Variants in AOAH observed in about 807,000 individuals in gnomAD.
The protein encoded by AOAH is acyloxyacyl hydrolase (neutrophil).
AOAH carries 64 observed loss-of-function variants against 92.2 expected under a neutral mutation model. That is an observed-to-expected ratio of 0.69 (90% confidence interval 0.57 to 0.86). The LOEUF (loss-of-function observed/expected upper bound fraction) is 0.86. AOAH is among the 40% of genes least tolerant of loss of function. The pLI is 0.00. For synonymous variants in AOAH, 263 were observed against 254.5 expected, an observed-to-expected ratio of 1.03 and a Z score of -0.32; for missense variants, 656 against 694.6, an observed-to-expected ratio of 0.94 and a Z score of 0.62.
chr7:36,673,122 C>T (rs1796026104), intron 3 of AOAH, among the ~76,000 whole-genome samples: 3 of 151,984 alleles, frequency 2.0e-5, no homozygotes, highest in Admixed American at 2.0e-4. Context: ...GAGCTTATTT[C>T]AGTATTCAAA....
intron 15 of AOAH, among the ~76,000 whole-genome samples, chr7:36,541,240 G>A (rs116029038): frequency 2.1e-4 from 32 of 152,210 alleles, no homozygotes; most frequent in South Asian, 1.4e-3. Context: ...ATTCCAGCCC[G>A]CATTATTGTC....
intron 5 of AOAH, among the ~76,000 whole-genome samples, chr7:36,633,111 G>A (rs1480651104): frequency 1.3e-5 from 2 of 152,238 alleles, no homozygotes; most frequent in Non-Finnish European, 2.9e-5. Context: ...GGAGAATGCA[G>A]ATGACCCTGC....
intron 10 of AOAH, among the ~76,000 whole-genome samples, chr7:36,616,749 T>A (rs1411601737): frequency 6.6e-6 from 1 of 152,206 alleles, no homozygotes; most frequent in Non-Finnish European, 1.5e-5. Flanking sequence ...GATGGATGAA[T>A]AAGTGAATCA....
At chr7:36,668,345 T>C (rs1438807895) in intron 3 of AOAH, among the ~76,000 whole-genome samples, 4 of 152,228 alleles carry the variant, frequency 2.6e-5, no homozygotes, top group African/African-American at 7.2e-5. Context: ...TCCAGCAATT[T>C]GTCTATTACA....
chr7:36,691,135 C>G (rs1157567919), intron 1 of AOAH, among the ~76,000 whole-genome samples: 1 of 152,138 alleles, frequency 6.6e-6, no homozygotes, highest in Non-Finnish European at 1.5e-5. Flanking sequence ...TAGAGTGTAC[C>G]TTACGGTTTT....
Position 36,570,924 on chromosome 7 carries a change from A to G in AOAH, c.1021+5650T>C, listed in dbSNP as rs1220772048. 2.0e-5 allele frequency among the ~76,000 whole-genome samples: 3 copies of G among 152,194 alleles called. No homozygotes were observed. The East Asian group carries it at 5.8e-4, about 29-fold the overall frequency. ...TCCCTGCTATGCGAAGCAGAGGCTGAGCTAATATCGGCCCCATGTGGCTTC... is the reference window on the plus strand; with the variant it reads ...TCCCTGCTATGCGAAGCAGAGGCTGGGCTAATATCGGCCCCATGTGGCTTC... On this transcript the variant is annotated intron_variant, in intron 13 of 20. Coordinates refer to ENST00000617537, the MANE Select transcript of AOAH (RefSeq NM_001637.4).
intron 19 of AOAH, among the ~76,000 whole-genome samples, chr7:36,526,469 C>T (rs1268586778): frequency 1.3e-5 from 2 of 152,200 alleles, no homozygotes; most frequent in Non-Finnish European, 2.9e-5. Context: ...GGGAGAAATG[C>T]AATACCAGAC....
chr7:36,649,721 CTGTG>C (rs748848932), intron 4 of AOAH, among the ~76,000 whole-genome samples: 57 of 152,266 alleles, frequency 3.7e-4, no homozygotes, highest in Non-Finnish European at 6.8e-4. Context: ...CTCTTCTGGT[CTGTG>C]TTTGTTACGA....
intron 15 of AOAH, among the ~76,000 whole-genome samples, chr7:36,542,990 T>A (rs948309409): frequency 6.6e-6 from 1 of 151,732 alleles, no homozygotes. Flanking sequence ...ATACTTTTGG[T>A]GCCATGGGGG....
At chr7:36,602,677 A>C (rs1023517342) in intron 11 of AOAH, among the ~76,000 whole-genome samples, 4 of 151,992 alleles carry the variant, frequency 2.6e-5, no homozygotes, top group Admixed American at 2.6e-4. Context: ...GATACCTTTG[A>C]TTCTGTAAAA....
At chr7:36,581,591 G>A (rs903838169) in intron 12 of AOAH, among the ~76,000 whole-genome samples, 4 of 151,982 alleles carry the variant, frequency 2.6e-5, no homozygotes, top group Non-Finnish European at 5.9e-5. Flanking sequence ...TTTTTCTTTG[G>A]GAAAGTAATT....
chr7:36,658,852 G>C (rs139413969), intron 4 of AOAH, among the ~76,000 whole-genome samples: 67 of 152,294 alleles, frequency 4.4e-4, no homozygotes, highest in African/African-American at 1.5e-3. Flanking sequence ...CTCTGTGAGA[G>C]TGACTTGCTT....
At chr7:36,678,371 TAA>T (rs1351573756) in intron 2 of AOAH, among the ~76,000 whole-genome samples, 1 of 152,134 alleles carries the variant, frequency 6.6e-6, no homozygotes, top group African/African-American at 2.4e-5. Flanking sequence ...GGGACTTTTG[TAA>T]GAGATATTCC....
At position 36,642,451 on chromosome 7, in the gene AOAH, A is replaced by G. The variant is rs148986029; in HGVS notation, c.391-4541T>C. 5.3e-5 allele frequency among the ~76,000 whole-genome samples: 8 copies of G among 152,326 alleles called. No homozygotes were observed. The East Asian group carries it at 1.5e-3, about 29-fold the overall frequency. On this transcript the variant is annotated intron_variant, in intron 4 of 20. Transcript: ENST00000617537. ...ATAGAACAGATTTTCTCTCACAGCC[A>G]TCAGAAGCTAACCCTACTGATTTCT...
chr7:36,599,145 T>C (rs79607002), intron 11 of AOAH, among the ~76,000 whole-genome samples: 2,253 of 152,358 alleles, frequency 0.015, 47 homozygotes, highest in African/African-American at 0.052. Flanking sequence ...TGTAATAGTT[T>C]CATTTAACGT....
intron 15 of AOAH, 117 bp from the exon 16 acceptor site, chr7:36,540,608 G>A (rs533604412): frequency 5.3e-6 from 5 of 938,000 alleles, no homozygotes; most frequent in Non-Finnish European, 7.9e-6. Flanking sequence ...ACACAGTGTG[G>A]TGGTCATTGG....
At chr7:36,602,595 A>G (rs1041169823) in intron 11 of AOAH, among the ~76,000 whole-genome samples, 6 of 151,356 alleles carry the variant, frequency 4.0e-5, no homozygotes, top group Non-Finnish European at 8.8e-5. Flanking sequence ...TTCCACAAAC[A>G]GAAAAAAAAA....
Position 36,618,326 on chromosome 7 carries a change from C to CCAT in AOAH, c.719_721dup (p.Asp240dup), listed in dbSNP as rs1190815865. ...ACAGAATTTCTTCTCATATGGAACT[C>CCAT]CATCTTTTGGATCGACACCCTTTAA... On this transcript the variant is annotated inframe_insertion, in exon 10 of 21. Coordinates refer to ENST00000617537, the MANE Select transcript of AOAH (RefSeq NM_001637.4). 6.2e-7 allele frequency: 1 copy of CCAT among 1,613,920 alleles called. No homozygotes were observed. The highest frequency in any genetic ancestry group is 1.3e-5 in the African/African-American group (1 of 74,924).
intron 12 of AOAH, among the ~76,000 whole-genome samples, chr7:36,584,066 G>T (rs1204398532): frequency 1.3e-5 from 2 of 152,076 alleles, no homozygotes; most frequent in Non-Finnish European, 2.9e-5. Context: ...TAGTTCTGTG[G>T]TCAAATAAGT....
Sources: allele counts gnomAD v4.1 joint callset (sites outside exome capture counted in the v4.1 genomes callset), GRCh38; gene constraint gnomAD v4.1.1; transcripts MANE v1.5; gene names NCBI Gene and HGNC (gene_info 2026-07-23, HGNC 2026-07-21).